Variants in VCAN observed in about 807,000 individuals in gnomAD.
VCAN encodes the protein versican, also known as versican core protein.
A neutral mutation model predicts 245.5 loss-of-function variants in VCAN; 44 were observed. That is an observed-to-expected ratio of 0.18 (90% CI 0.14 to 0.23). The LOEUF is 0.23. Among genes scored for constraint, VCAN ranks in the 10% least tolerant of loss-of-function variants. The probability of loss-of-function intolerance (pLI) is 1.00; values close to 1 mark genes in which losing one functional copy is unlikely to be tolerated. For missense variants in VCAN, 3,793 were observed against 4,057.9 expected (o/e 0.93, Z 1.77); for synonymous variants, 1,413 against 1,437.0 (o/e 0.98, Z 0.38).
intron 5 of VCAN, among the ~76,000 whole-genome samples, chr5:83,510,049 T>C (rs1745605197): frequency 6.6e-6 from 1 of 152,206 alleles, no homozygotes; most frequent in Non-Finnish European, 1.5e-5. Flanking sequence ...CTTTTAAAAT[T>C]TATTAGGAAG....
chr5:83,554,620 C>CAAA (rs1299243221), intron 11 of VCAN, among the ~76,000 whole-genome samples: 7 of 149,740 alleles, frequency 4.7e-5, no homozygotes, highest in Non-Finnish European at 8.9e-5. Context: ...AAAACAACAA[C>CAAA]AACAAAAAAA....
Position 83,538,435 on chromosome 5 carries a change from G to A in VCAN, c.5432G>A (p.Ser1811Asn), listed in dbSNP as rs1270257649. ...NLGAQTTEHS[S>N]IHQPGVQEGL... ...GGGGCACAGACCACTGAGCACAGCA[G>A]TATCCATCAACCTGGGGTTCAGGAA... Residue 1811 changes from serine (S) to asparagine (N), a missense_variant, in exon 8 of 15, where the codon AGT (serine) becomes AAT (asparagine). Physicochemically the swap from Ser to Asn is conservative, Grantham distance 46. This residue lies in a region of VCAN where 3,182 missense variants were observed against 3,250.3 expected (regional missense o/e 0.98). Coordinates refer to ENST00000265077, the MANE Select transcript of VCAN (RefSeq NM_004385.5). 2 of 1,613,980 alleles carry A rather than the reference G, an allele frequency of 1.2e-6. No homozygotes were observed. The highest frequency in any genetic ancestry group is 1.7e-5 in the Admixed American group (1 of 59,988).
At chr5:83,565,271 G>T (rs1309563105) in intron 12 of VCAN, among the ~76,000 whole-genome samples, 1 of 152,080 alleles carries the variant, frequency 6.6e-6, no homozygotes, top group South Asian at 2.1e-4. Context: ...CATTTTGTTT[G>T]TTCTCTACTG....
intron 1 of VCAN, among the ~76,000 whole-genome samples, chr5:83,472,755 G>T (rs1225962595): frequency 6.6e-6 from 1 of 152,172 alleles, no homozygotes; most frequent in African/African-American, 2.4e-5. Flanking sequence ...GTGCGAAGGG[G>T]CCAGCAGGGA....
At position 83,493,528 on chromosome 5, in the gene VCAN, T is replaced by A. The variant is rs1484125499; in HGVS notation, c.446-18T>A. 3.7e-6 allele frequency: 6 copies of A among 1,612,780 alleles called. No homozygotes were observed. In the East Asian group the frequency reaches 1.3e-4, roughly 36 times the overall value. ...GAGATTTGAACAGGCTGGCAATTGT[T>A]TGCTGTTGTTTTTGCAGGGGTTGTG... On this transcript the variant is annotated intron_variant, in intron 3 of 14. Transcript: ENST00000265077.
At position 83,493,792 on chromosome 5, in the gene VCAN, T is replaced by C. The variant is rs376664927; in HGVS notation, c.621-12T>C. 1 of 1,614,026 alleles carries C rather than the reference T, an allele frequency of 6.2e-7. No individual in the cohort carries two copies. The highest frequency in any genetic ancestry group is 1.3e-5 in the African/African-American group (1 of 74,904). On this transcript the variant is annotated splice_polypyrimidine_tract_variant and intron_variant, in intron 4 of 14. Coordinates refer to ENST00000265077, the MANE Select transcript of VCAN (RefSeq NM_004385.5). Reference sequence around the variant, plus strand: ...GAAGAAAGTGCCACTAACTAGCCATTTATTTCCCCAGATATCCCATCCGGG... The same window carrying C: ...GAAGAAAGTGCCACTAACTAGCCATCTATTTCCCCAGATATCCCATCCGGG...
chr5:83,533,410 CAG>C (rs139914535), intron 7 of VCAN, among the ~76,000 whole-genome samples: 4 of 150,902 alleles, frequency 2.7e-5, no homozygotes, highest in Admixed American at 6.6e-5. Context: ...ACATTTGTTT[CAG>C]AGAGAGAGAG....
Position 83,490,298 on chromosome 5 carries a change from A to T in VCAN, c.271A>T (p.Ile91Phe). ...TGTCCTTGTGGCCCAAAATGGAAAT[A>T]TCAAGATTGGTCAGGACTACAAAGG... ...TTVLVAQNGN[I>F]KIGQDYKGRV... Residue 91 changes from isoleucine (I) to phenylalanine (F), a missense_variant, in exon 3 of 15, where the codon ATC becomes TTC. Around this residue, in one of 5 missense-constraint regions of VCAN, gnomAD observed 179 missense variants for 169.7 expected, o/e 1.05. Transcript: ENST00000265077. The T allele has an allele frequency of 6.2e-7, 1 of 1,614,220 alleles. No homozygotes were observed. The highest frequency in any genetic ancestry group is 8.5e-7 in the Non-Finnish European group (1 of 1,180,042).
chr5:83,536,915 T>G, intron 7 of VCAN, 92 bp from the exon 8 acceptor site: 1 of 1,027,412 alleles, frequency 9.7e-7, no homozygotes, highest in Non-Finnish European at 1.4e-6. Flanking sequence ...CTTCTTTGTG[T>G]GTGTGGGTGT....
At chr5:83,477,931 C>CAA (rs911575143) in intron 1 of VCAN, among the ~76,000 whole-genome samples, 3 of 144,054 alleles carry the variant, frequency 2.1e-5, no homozygotes, top group African/African-American at 7.7e-5. Context: ...AGAGGAGTAA[C>CAA]AAAAAAAAAT....
intron 6 of VCAN, among the ~76,000 whole-genome samples, chr5:83,517,408 A>G (rs911837412): frequency 9.2e-5 from 14 of 152,308 alleles, no homozygotes; most frequent in African/African-American, 3.1e-4. Context: ...GTTGTTATTA[A>G]TAATAATATG....
At position 83,478,409 on chromosome 5, in the gene VCAN, A is replaced by G. The variant is rs142936005; in HGVS notation, c.-6-5104A>G. Among the ~76,000 whole-genome samples the G allele has an allele frequency of 3.3e-5, 5 of 152,268 alleles. No individual in the cohort carries two copies. In the South Asian group the frequency reaches 8.3e-4, roughly 25 times the overall value. ...TTTATCAAAAGTTTTTAAAAGATGT[A>G]TATACTCTTTGATTCAGCAATTCCA... On this transcript the variant is annotated intron_variant, in intron 1 of 14. Coordinates refer to ENST00000265077, the MANE Select transcript of VCAN (RefSeq NM_004385.5).
At chr5:83,509,807 T>C (rs1745597370) in intron 5 of VCAN, among the ~76,000 whole-genome samples, 1 of 152,058 alleles carries the variant, frequency 6.6e-6, no homozygotes, top group African/African-American at 2.4e-5. Context: ...GTAATTTCTC[T>C]GTCTGCCTTT....
At chr5:83,480,960 T>A (rs1176090698) in intron 1 of VCAN, among the ~76,000 whole-genome samples, 1 of 152,152 alleles carries the variant, frequency 6.6e-6, no homozygotes, top group Non-Finnish European at 1.5e-5. Flanking sequence ...TACATTATTT[T>A]ATCAATTCCT....
intron 5 of VCAN, among the ~76,000 whole-genome samples, chr5:83,508,373 T>G (rs1463624821): frequency 6.6e-6 from 1 of 152,222 alleles, no homozygotes; most frequent in Non-Finnish European, 1.5e-5. Context: ...AACAAATTTA[T>G]GTACAGATGT....
intron 6 of VCAN, among the ~76,000 whole-genome samples, chr5:83,515,676 A>C (rs1745820019): frequency 6.6e-6 from 1 of 152,220 alleles, no homozygotes; most frequent in Non-Finnish European, 1.5e-5. Flanking sequence ...TTTATGCTTA[A>C]GTTTAGAAAT....
intron 6 of VCAN, 54 bp downstream of exon 6, chr5:83,512,450 G>A: frequency 6.3e-7 from 1 of 1,586,362 alleles, no homozygotes; most frequent in Non-Finnish European, 8.6e-7. Flanking sequence ...ATGCTTCGAA[G>A]CATGCATTGA....
chr5:83,505,739 T>G (rs1232596199), intron 5 of VCAN, among the ~76,000 whole-genome samples: 1 of 152,172 alleles, frequency 6.6e-6, no homozygotes, highest in Non-Finnish European at 1.5e-5. Flanking sequence ...CAACCCCACA[T>G]TTCCCTTCTG....
chr5:83,473,260 G>C (rs1744259032), intron 1 of VCAN, among the ~76,000 whole-genome samples: 1 of 152,188 alleles, frequency 6.6e-6, no homozygotes, highest in Non-Finnish European at 1.5e-5. Flanking sequence ...AGCGGTCTGG[G>C]TGTTAGGCAG....
Sources: gnomAD v4.1 joint callset for allele counts (sites outside exome capture counted in the v4.1 genomes callset) on GRCh38, gnomAD v4.1.1 for gene constraint, gnomAD v4.1.1 regional missense constraint, MANE v1.5 for transcripts, NCBI Gene and HGNC (gene_info 2026-07-23, HGNC 2026-07-21) for gene names.